PRIM2: variants seen among roughly 807,000 people sequenced by gnomAD.
PRIM2 encodes the protein DNA primase subunit 2, also known as DNA primase large subunit.
A neutral mutation model predicts 67.3 loss-of-function variants in PRIM2; 39 were observed. The observed-to-expected ratio is 0.58, with a 90% CI of 0.45 to 0.76. The LOEUF is 0.76. PRIM2 is among the 30% of genes least tolerant of loss of function. The probability of loss-of-function intolerance (pLI) is 0.00; values close to 1 mark genes in which losing one functional copy is unlikely to be tolerated. For synonymous variants in PRIM2, 143 were observed against 198.7 expected, an observed-to-expected ratio of 0.72 and a Z score of 2.36; for missense variants, 398 against 598.7, an observed-to-expected ratio of 0.66 and a Z score of 3.50.
chr6:57,222,206 C>A, the PRIM2 span: 3 of 152,336 alleles, frequency 2.0e-5, no homozygotes, highest in African/African-American at 7.2e-5. Context: ...TTATTAGTAG[C>A]CAGGGCTCAG....
the PRIM2 span, among the ~76,000 whole-genome samples, chr6:57,264,786 T>C: frequency 3.3e-5 from 5 of 151,906 alleles, no homozygotes; most frequent in Non-Finnish European, 5.9e-5. Context: ...TTAGTAGATA[T>C]ACGGTTTCAC....
intron 7 of PRIM2, among the ~76,000 whole-genome samples, chr6:57,441,879 A>G (rs1772212926): frequency 1.3e-5 from 2 of 152,108 alleles, no homozygotes; most frequent in South Asian, 2.1e-4. Flanking sequence ...TGCATTGAGT[A>G]CTTTTGCTTG....
intron 5 of PRIM2, among the ~76,000 whole-genome samples, chr6:57,327,167 G>C (rs1767894454): frequency 6.6e-6 from 1 of 152,072 alleles, no homozygotes. Context: ...CTCCCAAAGT[G>C]CTGGGATTAC....
Position 57,379,832 on chromosome 6 carries a change from G to T in PRIM2, c.460-69G>T, listed in dbSNP as rs561630760. 2.8e-6 allele frequency: 4 copies of T among 1,414,502 alleles called. No homozygotes were observed. The East Asian group carries it at 1.0e-4, about 37-fold the overall frequency. 87.6% of individuals were successfully genotyped at this position (1,414,502 alleles called of 1,614,324 possible). The stretch of plus-strand genomic sequence containing the variant: ...AAAGTAAACAGTATTCATTAAAACA[G>T]GAAATCATTTTATTGAAACTGAATG... On this transcript the variant is annotated intron_variant, in intron 5 of 13. Coordinates refer to ENST00000615550, the MANE Select transcript of PRIM2 (RefSeq NM_000947.5).
intron 7 of PRIM2, among the ~76,000 whole-genome samples, chr6:57,461,781 T>C (rs1170581407): frequency 6.6e-6 from 1 of 152,198 alleles, no homozygotes; most frequent in Admixed American, 6.5e-5. Flanking sequence ...ATATAAATAA[T>C]AGTGATCAAA....
At chr6:57,294,418 T>C in the PRIM2 span, among the ~76,000 whole-genome samples, 1 of 151,930 alleles carries the variant, frequency 6.6e-6, no homozygotes, top group Non-Finnish European at 1.5e-5. Flanking sequence ...GAGGTGGAGG[T>C]TGCAGTGAGC....
the PRIM2 span, among the ~76,000 whole-genome samples, chr6:57,262,504 C>T: frequency 6.6e-6 from 1 of 152,190 alleles, no homozygotes; most frequent in Non-Finnish European, 1.5e-5. Flanking sequence ...TCTGCCCCAG[C>T]TCCCACATGT....
the PRIM2 span, chr6:57,221,741 G>A: frequency 1.3e-5 from 2 of 152,322 alleles, no homozygotes; most frequent in East Asian, 1.9e-4. Context: ...GGAGCTGGGA[G>A]GGGGCGCCGG....
intron 7 of PRIM2, among the ~76,000 whole-genome samples, chr6:57,440,322 C>G (rs1239173993): frequency 6.6e-6 from 1 of 151,908 alleles, no homozygotes; most frequent in Non-Finnish European, 1.5e-5. Flanking sequence ...CAGAGTCTTG[C>G]TCTGTCGCTT....
At chr6:57,586,620 A>AGAGG (rs1348114750) in intron 10 of PRIM2, among the ~76,000 whole-genome samples, 25 of 152,134 alleles carry the variant, frequency 1.6e-4, no homozygotes, top group African/African-American at 5.8e-4. Flanking sequence ...GGAAGAAAAG[A>AGAGG]GAGGGAAGGT....
chr6:57,629,117 A>G (rs1210984337), intron 12 of PRIM2, among the ~76,000 whole-genome samples: 1 of 152,192 alleles, frequency 6.6e-6, no homozygotes, highest in Non-Finnish European at 1.5e-5. Flanking sequence ...GAATATCTTA[A>G]TACAGTGCTT....
At chr6:57,284,750 G>A in the PRIM2 span, among the ~76,000 whole-genome samples, 16 of 152,214 alleles carry the variant, frequency 1.1e-4, no homozygotes, top group African/African-American at 3.9e-4. Context: ...TGTTAAACAT[G>A]CAGTTTTAGA....
chr6:57,418,754 C>T (rs1236980010), intron 7 of PRIM2, among the ~76,000 whole-genome samples: 1 of 152,042 alleles, frequency 6.6e-6, no homozygotes, highest in African/African-American at 2.4e-5. Flanking sequence ...ACGATTGCCT[C>T]CTCAGTCCAC....
intron 5 of PRIM2, among the ~76,000 whole-genome samples, chr6:57,370,660 A>G (rs995030083): frequency 2.0e-5 from 3 of 151,862 alleles, no homozygotes; most frequent in African/African-American, 7.3e-5. Flanking sequence ...AAAGTTTAGA[A>G]ACACATTGAA....
intron 7 of PRIM2, among the ~76,000 whole-genome samples, chr6:57,386,606 C>T (rs2127343672): frequency 6.7e-6 from 1 of 150,030 alleles, no homozygotes; most frequent in East Asian, 2.0e-4. Flanking sequence ...AACACTTTTT[C>T]TTATGTAGGA....
intron 10 of PRIM2, among the ~76,000 whole-genome samples, chr6:57,598,394 A>G (rs1417693625): frequency 1.3e-5 from 2 of 152,194 alleles, no homozygotes; most frequent in African/African-American, 2.4e-5. Flanking sequence ...TTTTGCCCAA[A>G]TGACCACTTA....
intron 5 of PRIM2, among the ~76,000 whole-genome samples, chr6:57,354,578 A>G (rs1052985740): frequency 6.6e-6 from 1 of 152,178 alleles, no homozygotes; most frequent in African/African-American, 2.4e-5. Flanking sequence ...TAAAGGGTTT[A>G]ATTTGCTAAT....
chr6:57,370,966 G>C (rs890125872), intron 5 of PRIM2, among the ~76,000 whole-genome samples: 1 of 151,972 alleles, frequency 6.6e-6, no homozygotes, highest in African/African-American at 2.4e-5. Flanking sequence ...CCAAAGTGCT[G>C]GGATTTCAGG....
At chr6:57,314,985 T>C (rs980470458), upstream of PRIM2, 1 of 152,218 alleles carries the variant, frequency 6.6e-6, no homozygotes, top group Non-Finnish European at 1.5e-5. Context: ...CAACACAGGG[T>C]ATTTTGTTCC....
Sources: allele counts gnomAD v4.1 joint callset (sites outside exome capture counted in the v4.1 genomes callset), GRCh38; gene constraint gnomAD v4.1.1; transcripts MANE v1.5; gene names NCBI Gene and HGNC (gene_info 2026-07-23, HGNC 2026-07-21).